NADSYN1: variants seen among roughly 807,000 people sequenced by gnomAD.
The protein encoded by NADSYN1 is glutamine-dependent NAD(+) synthetase.
A neutral mutation model predicts 99.3 loss-of-function variants in NADSYN1; 80 were observed. The observed-to-expected ratio is 0.81, with a 90% confidence interval of 0.67 to 0.97. NADSYN1 has a LOEUF of 0.97. NADSYN1 is among the 50% of genes least tolerant of loss of function. NADSYN1 has a pLI of 0.00. For missense variants in NADSYN1, 859 were observed against 948.5 expected (o/e 0.91, Z 1.24); for synonymous variants, 385 against 372.1 (o/e 1.03, Z -0.40).
At chr11:71,482,102 GGCA>G in intron 13 of NADSYN1, 77 bp downstream of exon 13, 1 of 1,349,938 alleles carries the variant, frequency 7.4e-7, no homozygotes, top group South Asian at 1.3e-5. Flanking sequence ...CCTAGGAGGG[GGCA>G]GAGGAAACAC....
chr11:71,485,240 G>A (rs886255078), intron 15 of NADSYN1: 1 of 213,834 alleles, frequency 4.7e-6, no homozygotes, highest in Non-Finnish European at 9.4e-6. Flanking sequence ...CAGTTGCCAA[G>A]CTTTCTCCCA....
intron 20 of NADSYN1, 165 bp downstream of exon 20, chr11:71,498,693 CTTTTTTCGTG>C: frequency 1.4e-6 from 1 of 716,034 alleles, no homozygotes; most frequent in East Asian, 2.9e-5. Flanking sequence ...TTTAAATTTA[CTTTTTTCGTG>C]TTGACAAATA....
At chr11:71,480,928 G>A (rs200005204) in intron 11 of NADSYN1, 49 bp downstream of exon 11, 7 of 1,602,092 alleles carry the variant, frequency 4.4e-6, no homozygotes, top group Middle Eastern at 1.7e-4. Context: ...GTGTGGCCAC[G>A]CCCCTGGGGT....
chr11:71,470,154 A>C (rs920175693), intron 5 of NADSYN1, among the ~76,000 whole-genome samples: 2 of 152,224 alleles, frequency 1.3e-5, no homozygotes, highest in East Asian at 1.9e-4. Flanking sequence ...AAAAGCATCA[A>C]ATCTCCTAAG....
Position 71,472,507 on chromosome 11 carries a change from C to A in NADSYN1, c.459+7C>A. 6.2e-7 allele frequency: 1 copy of A among 1,612,704 alleles called. No individual in the cohort carries two copies. The highest frequency in any genetic ancestry group is 8.5e-7 in the Non-Finnish European group (1 of 1,178,710). ...ACAGGACCTGACAAAGCAGGTGAGT[C>A]CCTGGGTGTGGAGCCCGTTTTTCAG... On this transcript the variant is annotated splice_region_variant and intron_variant, in intron 6 of 20. Transcript: ENST00000319023.
intron 15 of NADSYN1, chr11:71,485,001 G>C (rs1468422178): frequency 5.7e-6 from 1 of 174,366 alleles, no homozygotes; most frequent in African/African-American, 2.4e-5. Context: ...GCATGAGTGT[G>C]AGAGTGCACA....
At chr11:71,480,587 CCATTGGT>C (rs1357376051) in intron 10 of NADSYN1, among the ~76,000 whole-genome samples, 161 bp from the exon 11 acceptor site, 1 of 152,196 alleles carries the variant, frequency 6.6e-6, no homozygotes, top group Admixed American at 6.5e-5. Context: ...GCACCTGTTG[CCATTGGT>C]CGCTTTGCTT....
intron 18 of NADSYN1, among the ~76,000 whole-genome samples, chr11:71,495,803 C>T (rs184346473): frequency 8.5e-5 from 13 of 152,266 alleles, no homozygotes; most frequent in South Asian, 4.1e-4. Flanking sequence ...CCTGGAGGGA[C>T]GGACAAGAAG....
chr11:71,477,657 C>G (rs1282725865), intron 9 of NADSYN1, among the ~76,000 whole-genome samples: 2 of 152,354 alleles, frequency 1.3e-5, no homozygotes, highest in Non-Finnish European at 2.9e-5. Flanking sequence ...ATTGGCAGAA[C>G]CCCTACCATA....
At chr11:71,493,956 A>G (rs952691032) in intron 18 of NADSYN1, among the ~76,000 whole-genome samples, 1 of 152,250 alleles carries the variant, frequency 6.6e-6, no homozygotes, top group East Asian at 1.9e-4. Context: ...ACATGGTGAA[A>G]CCCTGTCTCT....
rs2120449101 is a variant in NADSYN1 at position 71,474,490 on chromosome 11, C to G, written c.762C>G (p.Val254=). The G allele has an allele frequency of 6.2e-7, 1 of 1,614,202 alleles. No individual in the cohort carries two copies. The highest frequency in any genetic ancestry group is 8.5e-7 in the Non-Finnish European group (1 of 1,180,030). ...GCAMIAMNGS[V]FAQGSQFSLD... Reference sequence around the variant, plus strand: ...CCATGATTGCCATGAACGGAAGCGTCTTTGCTCAAGGATCCCAGTTTTCTC... The same window carrying G: ...CCATGATTGCCATGAACGGAAGCGTGTTTGCTCAAGGATCCCAGTTTTCTC... The change falls in exon 9 of 21, where the codon GTC becomes GTG. Residue 254 remains valine, a synonymous_variant. Coordinates refer to ENST00000319023, the MANE Select transcript of NADSYN1 (RefSeq NM_018161.5).
chr11:71,478,103 A>C lies in NADSYN1; in HGVS notation c.799-292A>C, dbSNP rs1591129565. On this transcript the variant is annotated intron_variant, in intron 9 of 20. Coordinates refer to ENST00000319023, the MANE Select transcript of NADSYN1 (RefSeq NM_018161.5). ...TTACTGACAGGGGTGTCTTACTGAC[A>C]GGGGTGTGTCTTACTGACGGGGTGT... Among the ~76,000 whole-genome samples, 3 of 151,006 alleles carry C rather than the reference A, an allele frequency of 2.0e-5. No homozygotes were observed. The South Asian group carries it at 6.2e-4, about 31-fold the overall frequency.
chr11:71,479,947 A>G (rs1949694387), intron 10 of NADSYN1: 1 of 152,210 alleles, frequency 6.6e-6, no homozygotes, highest in Non-Finnish European at 1.5e-5. Context: ...ATGGTCAGAG[A>G]GTGTTCCGTA....
At chr11:71,468,401 A>G (rs1949607240) in intron 5 of NADSYN1, among the ~76,000 whole-genome samples, 1 of 152,234 alleles carries the variant, frequency 6.6e-6, no homozygotes, top group Non-Finnish European at 1.5e-5. Context: ...AATTAGGGCA[A>G]TGCTCTGTAG....
intron 16 of NADSYN1, 44 bp downstream of exon 16, chr11:71,485,692 C>T (rs1226253351): frequency 3.5e-6 from 5 of 1,412,632 alleles, no homozygotes; most frequent in Non-Finnish European, 4.9e-6. Context: ...CCCTGAACCT[C>T]TCAGGTCTCT....
rs947454891 is a variant in NADSYN1 at position 71,477,536 on chromosome 11, T to G, written c.799-859T>G. The G allele has an allele frequency of 9.3e-6, 9 of 972,920 alleles. No homozygotes were observed. In the South Asian group the frequency reaches 1.4e-4, roughly 15 times the overall value. 60.3% of individuals were successfully genotyped at this position (972,920 alleles called of 1,614,324 possible). A position where few individuals can be genotyped will look rare whatever the true frequency, so the allele number is the denominator to read the frequency against. On this transcript the variant is annotated intron_variant, in intron 9 of 20. Coordinates refer to ENST00000319023, the MANE Select transcript of NADSYN1 (RefSeq NM_018161.5). ...AGTGGTGCAGGTGCTGTTCCCGCTG[T>G]CCCACACTCGTGTTTAGCAAGGCAA... is the stretch of plus-strand genomic sequence containing the variant.
chr11:71,474,647 C>T (rs752563408), intron 9 of NADSYN1, 121 bp downstream of exon 9: 107 of 1,316,048 alleles, frequency 8.1e-5, no homozygotes, highest in Middle Eastern at 2.1e-4. Flanking sequence ...CCGGGGGTCC[C>T]GCCTGCTCCT....
At position 71,473,545 on chromosome 11, in the gene NADSYN1, C is replaced by T. The variant is rs374329779; in HGVS notation, c.549-24C>T. On this transcript the variant is annotated intron_variant, in intron 7 of 20. Coordinates refer to ENST00000319023, the MANE Select transcript of NADSYN1 (RefSeq NM_018161.5). ...GTTTGGAGGAGTCTGGTGGCCTGTTCTCTTCACCTGCCTCTGCCTGCAGCC... is the reference window on the plus strand; with the variant it reads ...GTTTGGAGGAGTCTGGTGGCCTGTTTTCTTCACCTGCCTCTGCCTGCAGCC... 3.0e-4 allele frequency: 479 copies of T among 1,598,030 alleles called. 1 individual carries two copies. Among genetic ancestry groups the T allele is most frequent in the Non-Finnish European group, 3.9e-4 (456 of 1,168,466 alleles).
chr11:71,479,964 A>T (rs1042902748), intron 10 of NADSYN1: 4 of 152,160 alleles, frequency 2.6e-5, no homozygotes, highest in African/African-American at 9.7e-5. Context: ...CGTAGCGGGG[A>T]TGGACACGTG....
Sources: allele counts gnomAD v4.1 joint callset (sites outside exome capture counted in the v4.1 genomes callset), GRCh38; gene constraint gnomAD v4.1.1; transcripts MANE v1.5; gene names NCBI Gene and HGNC (gene_info 2026-07-23, HGNC 2026-07-21).